PIBF1: variants seen among roughly 807,000 people sequenced by gnomAD.
PIBF1 encodes progesterone immunomodulatory binding factor 1.
PIBF1 carries 90 observed loss-of-function variants against 112.5 expected under a neutral mutation model. The observed-to-expected ratio is 0.80, with a 90% confidence interval of 0.67 to 0.95. PIBF1 has a LOEUF of 0.95. PIBF1 is among the 40% of genes least tolerant of loss of function. The pLI is 0.00. For missense variants in PIBF1, 915 were observed against 852.3 expected, an observed-to-expected ratio of 1.07 and a Z score of -0.92; for synonymous variants, 301 against 288.6, an observed-to-expected ratio of 1.04 and a Z score of -0.44.
chr13:72,860,401 G>T (rs2038642331), intron 10 of PIBF1, among the ~76,000 whole-genome samples: 1 of 151,224 alleles, frequency 6.6e-6, no homozygotes, highest in Non-Finnish European at 1.5e-5. Context: ...AGTATAGAGT[G>T]CCTATGTTGC....
intron 10 of PIBF1, among the ~76,000 whole-genome samples, chr13:72,886,046 T>A (rs2039836951): frequency 6.6e-6 from 1 of 152,136 alleles, no homozygotes; most frequent in South Asian, 2.1e-4. Flanking sequence ...CCTTTTTGCC[T>A]TTTACAATAT....
intron 5 of PIBF1, among the ~76,000 whole-genome samples, chr13:72,808,562 C>G (rs750268198): frequency 1.3e-4 from 20 of 152,188 alleles, no homozygotes; most frequent in Non-Finnish European, 2.9e-4. Flanking sequence ...ACAGCATACT[C>G]TGTCTATTGG....
intron 10 of PIBF1, among the ~76,000 whole-genome samples, chr13:72,870,163 A>G (rs1426547835): frequency 1.3e-5 from 2 of 152,188 alleles, no homozygotes; most frequent in Non-Finnish European, 2.9e-5. Context: ...AATTACCATG[A>G]CTGCCTTTTT....
intron 12 of PIBF1, among the ~76,000 whole-genome samples, chr13:72,912,448 GAAAAGCAGATT>G (rs2040926237): frequency 1.3e-5 from 2 of 152,126 alleles, no homozygotes; most frequent in African/African-American, 4.8e-5. Flanking sequence ...AGTCATGAGG[GAAAAGCAGATT>G]AAAAGCCCAG....
chr13:72,884,767 G>T (rs1326032176), intron 10 of PIBF1: 1 of 152,024 alleles, frequency 6.6e-6, no homozygotes, highest in African/African-American at 2.4e-5. Context: ...TGTTTACTGA[G>T]TGCCTAACAT....
chr13:72,804,128 G>A (rs888127019), intron 5 of PIBF1, among the ~76,000 whole-genome samples: 3 of 152,018 alleles, frequency 2.0e-5, no homozygotes, highest in African/African-American at 4.8e-5. Context: ...AGAAAATTTC[G>A]ACTTTTCCAA....
chr13:72,834,154 T>C (rs2138198526), intron 8 of PIBF1, among the ~76,000 whole-genome samples: 1 of 152,316 alleles, frequency 6.6e-6, no homozygotes, highest in East Asian at 1.9e-4. Flanking sequence ...AACGATTTCC[T>C]GTGTGAAATG....
chr13:72,839,005 G>T (rs1413917424), intron 9 of PIBF1, among the ~76,000 whole-genome samples: 2 of 152,298 alleles, frequency 1.3e-5, no homozygotes, highest in East Asian at 1.9e-4. Flanking sequence ...TGGGCCCAAA[G>T]AATGCATTTG....
intron 16 of PIBF1, among the ~76,000 whole-genome samples, chr13:72,997,791 C>T (rs1275365569): frequency 1.3e-5 from 2 of 152,126 alleles, no homozygotes; most frequent in African/African-American, 4.8e-5. Flanking sequence ...CTGTTCTGTT[C>T]TGATAAATAA....
At chr13:72,983,764 G>A (rs1352455653) in intron 16 of PIBF1, among the ~76,000 whole-genome samples, 2 of 151,740 alleles carry the variant, frequency 1.3e-5, no homozygotes, top group African/African-American at 4.8e-5. Context: ...CACTCTTTCG[G>A]TTCATACTTA....
chr13:72,901,310 A>G lies in PIBF1; in HGVS notation c.1489-7221A>G, dbSNP rs187913077. Among the ~76,000 whole-genome samples, 156 of 152,306 alleles carry G rather than the reference A, an allele frequency of 1.0e-3. No individual in the cohort carries two copies. In the Middle Eastern group the frequency reaches 0.024, roughly 23 times the overall value. On this transcript the variant is annotated intron_variant, in intron 11 of 17. Transcript: ENST00000326291. ...GCAAGTAAACATGAAAAAATGCTCA[A>G]CATTGCTAATGATTGGGGAAATGCA...
intron 13 of PIBF1, among the ~76,000 whole-genome samples, chr13:72,927,763 CTT>C (rs948852531): frequency 6.6e-5 from 10 of 150,562 alleles, no homozygotes; most frequent in Non-Finnish European, 1.3e-4. Flanking sequence ...TTCATTAAAT[CTT>C]AATATAATCT....
chr13:72,987,866 T>TTTTTTTTA lies in PIBF1; in HGVS notation c.2050-10949_2050-10948insATTTTTTT, dbSNP rs1555329553. 8.3e-4 allele frequency among the ~76,000 whole-genome samples: 81 copies of TTTTTTTTA among 98,122 alleles called. 1 individual carries two copies. The highest frequency in any genetic ancestry group is 3.4e-3 in the African/African-American group (78 of 23,054). The allele number at this position is 98,122 out of a possible 152,430, so 64.4% of individuals were successfully genotyped here. A position where few individuals can be genotyped will look rare whatever the true frequency, so the allele number is the denominator to read the frequency against. On this transcript the variant is annotated intron_variant, in intron 16 of 17. Transcript: ENST00000326291. ...TATTTATTTATTTATTTATTTTTTT[T>TTTTTTTTA]TTTTTTTTTTTTTTTGAGGCAGAGT...
rs1451982114 is a variant in PIBF1, at chr13:72,828,503, G to A, written c.1097+589G>A. ...CACGTGTTCTCATTGTTCAACTCCC[G>A]CTTATGAGTGAGAACATACGGTGTT... is the stretch of plus-strand genomic sequence containing the variant. On this transcript the variant is annotated intron_variant, in intron 8 of 17. Coordinates refer to ENST00000326291, the MANE Select transcript of PIBF1 (RefSeq NM_006346.4). Among the ~76,000 whole-genome samples the A allele has an allele frequency of 3.3e-5, 5 of 151,804 alleles. No homozygotes were observed. The East Asian group carries it at 5.8e-4, about 18-fold the overall frequency.
At chr13:72,954,431 T>C (rs2042384841) in intron 14 of PIBF1, among the ~76,000 whole-genome samples, 1 of 152,190 alleles carries the variant, frequency 6.6e-6, no homozygotes, top group South Asian at 2.1e-4. Context: ...ATATTGCGAA[T>C]CTCAGGAGCT....
intron 2 of PIBF1, among the ~76,000 whole-genome samples, chr13:72,785,894 T>G (rs936867220): frequency 1.3e-5 from 2 of 152,236 alleles, no homozygotes; most frequent in African/African-American, 4.8e-5. Flanking sequence ...TGGCTTTGCT[T>G]CTTTTTAGGT....
chr13:72,953,851 GT>G (rs1349609250), intron 14 of PIBF1, among the ~76,000 whole-genome samples: 1 of 152,134 alleles, frequency 6.6e-6, no homozygotes, highest in Non-Finnish European at 1.5e-5. Flanking sequence ...CTTGCCTTAT[GT>G]TACCCAGGGC....
chr13:72,898,841 T>C (rs1254731998), intron 11 of PIBF1, among the ~76,000 whole-genome samples: 4 of 134,276 alleles, frequency 3.0e-5, no homozygotes, highest in Non-Finnish European at 3.2e-5. Flanking sequence ...AGAGCGAAAC[T>C]CCATCTCAGA....
intron 15 of PIBF1, among the ~76,000 whole-genome samples, chr13:72,972,039 TA>T (rs2042907855): frequency 3.3e-5 from 5 of 151,058 alleles, no homozygotes; most frequent in African/African-American, 1.2e-4. Flanking sequence ...TTTATTTATT[TA>T]TTTATTTATT....
Sources: allele counts gnomAD v4.1 joint callset (sites outside exome capture counted in the v4.1 genomes callset), GRCh38; gene constraint gnomAD v4.1.1; transcripts MANE v1.5; gene names NCBI Gene and HGNC (gene_info 2026-07-23, HGNC 2026-07-21).